The following SWAP70 variants were observed in gnomAD, a reference collection of about 807,000 sequenced individuals.
SWAP70 encodes switching B cell complex subunit SWAP70.
A neutral mutation model predicts 80.2 loss-of-function variants in SWAP70; 34 were observed. The observed-to-expected ratio is 0.42, with a 90% confidence interval of 0.32 to 0.56. SWAP70 has a LOEUF of 0.56. SWAP70 is among the 20% of genes least tolerant of loss of function. SWAP70 has a pLI of 0.09. For synonymous variants in SWAP70, 239 were observed against 238.5 expected (o/e 1.00, Z -0.02); for missense variants, 578 against 690.7 (o/e 0.84, Z 1.83).
At chr11:9,677,172 A>ATGGAAATT (rs1241654140) in intron 1 of SWAP70, among the ~76,000 whole-genome samples, 1 of 152,110 alleles carries the variant, frequency 6.6e-6, no homozygotes, top group Non-Finnish European at 1.5e-5. Context: ...AATTTGCAGA[A>ATGGAAATT]GTCATAATGG....
At chr11:9,674,823 G>T (rs1289027994) in intron 1 of SWAP70, among the ~76,000 whole-genome samples, 1 of 151,958 alleles carries the variant, frequency 6.6e-6, no homozygotes, top group Non-Finnish European at 1.5e-5. Flanking sequence ...AAAGAAATTA[G>T]CTGGGCGTGG....
At chr11:9,679,094 T>A (rs1850536399) in intron 1 of SWAP70, among the ~76,000 whole-genome samples, 1 of 152,204 alleles carries the variant, frequency 6.6e-6, no homozygotes, top group Non-Finnish European at 1.5e-5. Flanking sequence ...AATCTGTGTG[T>A]ATACTTGAAT....
chr11:9,739,654 A>G (rs1326442347), intron 8 of SWAP70, among the ~76,000 whole-genome samples: 2 of 152,234 alleles, frequency 1.3e-5, no homozygotes, highest in African/African-American at 4.8e-5. Context: ...ATTAACTGAA[A>G]TGCTTGAGTT....
chr11:9,748,116 A>G, intron 10 of SWAP70, 60 bp downstream of exon 10: 3 of 1,529,740 alleles, frequency 2.0e-6, no homozygotes, highest in Non-Finnish European at 1.8e-6. Flanking sequence ...ATTTCTCAAT[A>G]ATAGAATTAT....
chr11:9,708,858 G>A (rs554715724), intron 2 of SWAP70, among the ~76,000 whole-genome samples: 2 of 152,228 alleles, frequency 1.3e-5, no homozygotes, highest in African/African-American at 4.8e-5. Context: ...CCCATAGATG[G>A]CCTCCACCTA....
chr11:9,736,124 A>G (rs1482745756), intron 7 of SWAP70, among the ~76,000 whole-genome samples: 1 of 152,048 alleles, frequency 6.6e-6, no homozygotes, highest in Non-Finnish European at 1.5e-5. Flanking sequence ...TAGCCCAAAT[A>G]TACTGTTGAG....
chr11:9,715,753 G>A (rs186702566), intron 3 of SWAP70, among the ~76,000 whole-genome samples: 28 of 152,264 alleles, frequency 1.8e-4, no homozygotes, highest in Non-Finnish European at 3.5e-4. Flanking sequence ...CCATGATTCA[G>A]TTACCTCCCA....
At chr11:9,723,921 C>T (rs969468335) in intron 3 of SWAP70, among the ~76,000 whole-genome samples, 4 of 152,002 alleles carry the variant, frequency 2.6e-5, no homozygotes, top group East Asian at 1.9e-4. Context: ...TACAGGTGTG[C>T]GCCACATGCC....
At chr11:9,726,319 AT>A (rs1316197188) in intron 4 of SWAP70, among the ~76,000 whole-genome samples, 2 of 152,180 alleles carry the variant, frequency 1.3e-5, no homozygotes, top group Admixed American at 1.3e-4. Flanking sequence ...TTCTTACATT[AT>A]TATATTGAAT....
intron 1 of SWAP70, among the ~76,000 whole-genome samples, chr11:9,672,636 G>T (rs1478024076): frequency 1.4e-5 from 2 of 147,390 alleles, no homozygotes; most frequent in Non-Finnish European, 3.0e-5. Flanking sequence ...CAAGTGTTAG[G>T]ATTACAGGTA....
intron 2 of SWAP70, among the ~76,000 whole-genome samples, chr11:9,704,381 T>TTA (rs1850872810): frequency 6.8e-6 from 1 of 146,258 alleles, no homozygotes; most frequent in African/African-American, 2.5e-5. Flanking sequence ...TTTTTTTTTT[T>TTA]AATTTTTATT....
chr11:9,673,178 C>A lies in SWAP70; in HGVS notation c.99+8900C>A, dbSNP rs191649224. On this transcript the variant is annotated intron_variant, in intron 1 of 11. Transcript: ENST00000318950. ...ACAAGACGGTCCTCCTCCTTCCTAC[C>A]AGTTGCAAATCTGGGCCTCTGGAAC... Among the ~76,000 whole-genome samples, 32 of 152,290 alleles carry A rather than the reference C, an allele frequency of 2.1e-4. No homozygotes were observed. In the Middle Eastern group the frequency reaches 0.014, roughly 65 times the overall value.
intron 2 of SWAP70, among the ~76,000 whole-genome samples, chr11:9,697,888 A>C (rs1349769204): frequency 2.0e-5 from 3 of 152,088 alleles, no homozygotes; most frequent in Non-Finnish European, 2.9e-5. Flanking sequence ...TAAATAAAGT[A>C]GTCCTCTTGC....
chr11:9,748,149 C>A, intron 10 of SWAP70, 93 bp downstream of exon 10: 1 of 1,312,184 alleles, frequency 7.6e-7, no homozygotes, highest in Non-Finnish European at 1.0e-6. Context: ...CAATATGAAG[C>A]TGTAGTAAGA....
intron 6 of SWAP70, 99 bp from the exon 7 acceptor site, chr11:9,732,430 C>G (rs1256954231): frequency 1.6e-6 from 2 of 1,217,030 alleles, no homozygotes; most frequent in South Asian, 2.8e-5. Context: ...CCTTCTGGCT[C>G]CCTGTCTCAT....
intron 2 of SWAP70, chr11:9,703,549 C>T: frequency 4.4e-6 from 2 of 454,698 alleles, no homozygotes; most frequent in Non-Finnish European, 8.9e-6. Flanking sequence ...TGGTAGAACC[C>T]ACCCTTCCCA....
At chr11:9,741,907 C>T (rs1851444033) in intron 9 of SWAP70, 1 of 127,384 alleles carries the variant, frequency 7.9e-6, no homozygotes, top group South Asian at 2.5e-4. Context: ...AGTTTATGAC[C>T]AGCCTGAGCA....
chr11:9,677,283 T>G (rs1850513740), intron 1 of SWAP70, among the ~76,000 whole-genome samples: 1 of 152,082 alleles, frequency 6.6e-6, no homozygotes, highest in South Asian at 2.1e-4. Context: ...TTTCAGTGGT[T>G]TTGCTGAAAG....
chr11:9,727,804 G>C (rs976624584), intron 4 of SWAP70, among the ~76,000 whole-genome samples: 1 of 152,114 alleles, frequency 6.6e-6, no homozygotes, highest in African/African-American at 2.4e-5. Flanking sequence ...GGATTCTATT[G>C]TCTGCATATC....
Sources: allele counts gnomAD v4.1 joint callset (sites outside exome capture counted in the v4.1 genomes callset), GRCh38; gene constraint gnomAD v4.1.1; transcripts MANE v1.5; gene names NCBI Gene and HGNC (gene_info 2026-07-23, HGNC 2026-07-21).